The following SPSB3 variants were observed in gnomAD, a reference collection of about 807,000 sequenced individuals.
The protein encoded by SPSB3 is SPRY domain-containing SOCS box protein 3.
A neutral mutation model predicts 29.5 loss-of-function variants in SPSB3; 18 were observed. The ratio of observed to expected loss-of-function variants is 0.61; its 90% CI spans 0.42 to 0.91. The LOEUF (loss-of-function observed/expected upper bound fraction) is 0.91, where lower values mean the gene tolerates loss of function less well. SPSB3 is among the 40% of genes least tolerant of loss of function. The pLI is 0.00. For synonymous variants in SPSB3, 299 were observed against 214.1 expected, an observed-to-expected ratio of 1.40 and a Z score of -3.46; for missense variants, 540 against 507.5, an observed-to-expected ratio of 1.06 and a Z score of -0.61.
chr16:1,778,560 G>C lies in SPSB3; in HGVS notation c.179C>G (p.Pro60Arg), dbSNP rs982178048. 6.2e-7 allele frequency: 1 copy of C among 1,600,892 alleles called. No homozygotes were observed. The highest frequency in any genetic ancestry group is 8.5e-7 in the Non-Finnish European group (1 of 1,171,640). ...CTCGCCGGTCACGGGCACCGCACTG[G>C]GGATGGATGGCGGCAGCGTGGAGTA... is the stretch of plus-strand genomic sequence containing the variant. ...PEYSTLPPSI[P>R]SAVPVTGESF... The change falls in exon 3 of 7, where the codon CCC becomes CGC. Residue 60 changes from proline (P) to arginine (R), a missense_variant. Coordinates refer to ENST00000566339, the MANE Select transcript of SPSB3 (RefSeq NM_080861.4).
intron 1 of SPSB3, 76 bp downstream of exon 1, chr16:1,782,426 C>T (rs1039051702): frequency 2.0e-5 from 3 of 151,958 alleles, no homozygotes; most frequent in Admixed American, 6.6e-5. Context: ...GCCCTGGCCG[C>T]GCTGCTACCG....
rs370567286 is a variant in SPSB3 at position 1,777,430 on chromosome 16, G to A, written c.735C>T (p.Thr245=). ...KNRKCIGVAA[T]KLQNKRFYPM... is the part of the protein sequence containing the mutation. ...GGTAGAATCTCTTGTTCTGCAGCTTGGTGGCTGCCACACCTGGAAGGGAGG... is the reference window on the plus strand; with the variant it reads ...GGTAGAATCTCTTGTTCTGCAGCTTAGTGGCTGCCACACCTGGAAGGGAGG... Residue 245 remains threonine (T), a synonymous_variant, in exon 7 of 7, where the codon ACC becomes ACT. Coordinates refer to ENST00000566339, the MANE Select transcript of SPSB3 (RefSeq NM_080861.4). The A allele has an allele frequency of 2.0e-6, 3 of 1,527,034 alleles. No individual in the cohort carries two copies. Among genetic ancestry groups the A allele is most frequent in the Non-Finnish European group, 2.6e-6 (3 of 1,139,118 alleles). 94.6% of individuals were successfully genotyped at this position (1,527,034 alleles called of 1,614,324 possible).
chr16:1,780,089 ACAG>A (rs916910374), intron 2 of SPSB3: 1 of 152,338 alleles, frequency 6.6e-6, no homozygotes, highest in African/African-American at 2.4e-5. Context: ...GGGAGCTGTG[ACAG>A]CAGAGAGCAG....
intron 1 of SPSB3, 82 bp from the exon 2 acceptor site, chr16:1,781,577 C>A: frequency 6.7e-7 from 1 of 1,492,950 alleles, no homozygotes; most frequent in Non-Finnish European, 9.0e-7. Flanking sequence ...CACGGACCCA[C>A]TCAAAGTGGG....
Position 1,779,275 on chromosome 16 carries a change from T to G in SPSB3, c.127-663A>C, listed in dbSNP as rs140094914. On this transcript the variant is annotated intron_variant, in intron 2 of 6. Transcript: ENST00000566339. ...AACGTGAGCTCCTTGTGGGAGGCAG[T>G]GCCCCTCCCAGCCTCCTCCCTGTCA... The G allele has an allele frequency of 5.1e-3, 775 of 152,532 alleles. 2 individuals are homozygous for G. Among genetic ancestry groups the G allele is most frequent in the Middle Eastern group, 0.017 (5 of 294 alleles). The allele number at this position is 152,532 out of a possible 1,614,324, so 9.4% of individuals were successfully genotyped here. A position where few individuals can be genotyped will look rare whatever the true frequency, so the allele number is the denominator to read the frequency against.
chr16:1,776,978 T>A lies in SPSB3; in HGVS notation c.*119A>T. 8.4e-7 allele frequency: 1 copy of A among 1,190,088 alleles called. No homozygotes were observed. Among genetic ancestry groups the A allele is most frequent in the Non-Finnish European group, 1.2e-6 (1 of 854,236 alleles). The allele number at this position is 1,190,088 out of a possible 1,614,324, so 73.7% of individuals were successfully genotyped here. A position where few individuals can be genotyped will look rare whatever the true frequency, so the allele number is the denominator to read the frequency against. On this transcript the variant is annotated 3_prime_UTR_variant, in exon 7 of 7. Coordinates refer to ENST00000566339, the MANE Select transcript of SPSB3 (RefSeq NM_080861.4). ...GCCTCGGGAGCAAGAGATGGCTCCCTCCGGACGGGCCTCATCCAACTCCGC... is the reference window on the plus strand; with the variant it reads ...GCCTCGGGAGCAAGAGATGGCTCCCACCGGACGGGCCTCATCCAACTCCGC...
chr16:1,781,398 AGAGCCACGGCCCGGGCATCTGCGTCTCG>A lies in SPSB3; in HGVS notation c.58_85del (p.Arg20Ter). On this transcript the variant is annotated frameshift_variant, in exon 2 of 7. Transcript: ENST00000566339. LOFTEE classifies it high-confidence loss of function. ...GTAGCCCCAGTTAGTGGAGCCTGCT[AGAGCCACGGCCCGGGCATCTGCGTCTCG>A]GCGGGCTGCACTCAGGACGAAGTGC... 7.4e-6 allele frequency: 12 copies of A among 1,612,858 alleles called. No individual in the cohort carries two copies. Among genetic ancestry groups the A allele is most frequent in the African/African-American group, 1.3e-5 (1 of 75,030 alleles).
rs1896709943 is a variant in SPSB3, at chr16:1,781,457, C to G, written c.27G>C (p.Arg9Ser). The G allele has an allele frequency of 1.9e-6, 3 of 1,612,722 alleles. No homozygotes were observed. Among genetic ancestry groups the G allele is most frequent in the Non-Finnish European group, 2.5e-6 (3 of 1,179,992 alleles). The change falls in exon 2 of 7, where the codon AGG (arginine) becomes AGC (serine). Residue 9 changes from arginine (R) to serine (S), a missense_variant. Transcript: ENST00000566339. ...CTGCACTCAGGACGAAGTGCCAGGC[C>G]CTGCTGTTCCGGGGGCGTCTGGCCA... MARRPRNS[R>S]AWHFVLSAAR...
Position 1,777,104 on chromosome 16 carries a change from C to A in SPSB3, c.1061G>T (p.Arg354Leu), listed in dbSNP as rs148030477. The A allele has an allele frequency of 6.2e-7, 1 of 1,610,646 alleles. No individual in the cohort carries two copies. Among genetic ancestry groups the A allele is most frequent in the African/African-American group, 1.3e-5 (1 of 74,930 alleles). Residue 354 changes from arginine (R) to leucine (L), a missense_variant, in exon 7 of 7, where the codon CGG becomes CTG. Physicochemically the swap from Arg to Leu is moderately radical, Grantham distance 102. Transcript: ENST00000566339. ...PRPCQRKRCR[R>L]T ...GTTCCACTGGGAAGTCAGTCAGGTC[C>A]GGCGGCAGCGCTTCCTCTGGCAGGG...
intron 3 of SPSB3, 30 bp downstream of exon 3, chr16:1,778,405 G>T: frequency 6.2e-7 from 1 of 1,605,980 alleles, no homozygotes; most frequent in Non-Finnish European, 8.5e-7. Flanking sequence ...CCGCAGTGCA[G>T]TCCCAGCAGG....
rs562245971 is a variant in SPSB3, at chr16:1,781,709, C to T, written c.-12-214G>A. 1.6e-5 allele frequency: 9 copies of T among 575,322 alleles called. No homozygotes were observed. In the South Asian group the frequency reaches 1.7e-4, roughly 11 times the overall value. 35.6% of individuals were successfully genotyped at this position (575,322 alleles called of 1,614,324 possible). ...TAGATCCTGTGAAACGCCACCCAGA[C>T]ACCCATGACTCCGGAATGCGAATCC... On this transcript the variant is annotated intron_variant, in intron 1 of 6. Coordinates refer to ENST00000566339, the MANE Select transcript of SPSB3 (RefSeq NM_080861.4).
At chr16:1,777,909 C>A in intron 5 of SPSB3, 37 bp from the exon 6 acceptor site, 1 of 1,611,790 alleles carries the variant, frequency 6.2e-7, no homozygotes, top group Non-Finnish European at 8.5e-7. Flanking sequence ...CCCGGGAGCT[C>A]CAGGCTCGGC....
At chr16:1,781,652 T>C (rs1178436) in intron 1 of SPSB3, 157 bp from the exon 2 acceptor site, 562,071 of 693,660 alleles carry the variant, frequency 0.81, 229,467 homozygotes, top group African/African-American at 0.96. Context: ...CGTACCTCAC[T>C]CCAGGATCTG....
rs1330063811 is a variant in SPSB3, at chr16:1,777,046, A to G, written c.*51T>C. 1 of 1,568,746 alleles carries G rather than the reference A, an allele frequency of 6.4e-7. No individual in the cohort carries two copies. The highest frequency in any genetic ancestry group is 2.2e-5 in the East Asian group (1 of 44,506). ...AGGAAGGGACAGAGAAAGAAGGGAC[A>G]GAGGAAAGGGGCTGTCCCAGCCCAA... On this transcript the variant is annotated 3_prime_UTR_variant, in exon 7 of 7. Coordinates refer to ENST00000566339, the MANE Select transcript of SPSB3 (RefSeq NM_080861.4).
intron 3 of SPSB3, 46 bp from the exon 4 acceptor site, chr16:1,778,367 G>T: frequency 6.2e-7 from 1 of 1,609,628 alleles, no homozygotes; most frequent in Non-Finnish European, 8.5e-7. Context: ...GCTCCATGGG[G>T]CTCTGCCCTG....
chr16:1,781,850 C>T (rs1244157164), intron 1 of SPSB3: 2 of 269,502 alleles, frequency 7.4e-6, no homozygotes, highest in African/African-American at 4.5e-5. Flanking sequence ...AATGGCATCT[C>T]CGGCCTCCCA....
chr16:1,780,970 T>G, intron 2 of SPSB3: 1 of 364,590 alleles, frequency 2.7e-6, no homozygotes, highest in Non-Finnish European at 5.2e-6. Context: ...TGGGCTCAAG[T>G]GGTCCTCCAG....
intron 2 of SPSB3, 166 bp from the exon 3 acceptor site, chr16:1,778,778 C>A: frequency 1.4e-6 from 1 of 691,640 alleles, no homozygotes; most frequent in Non-Finnish European, 2.2e-6. Flanking sequence ...GGCTCCCTCC[C>A]AACGGGCTCC....
chr16:1,777,767 A>T lies in SPSB3; in HGVS notation c.701T>A (p.Phe234Tyr). Residue 234 changes from phenylalanine (F) to tyrosine (Y), a missense_variant, in exon 6 of 7, where the codon TTC (phenylalanine) becomes TAC (tyrosine). Coordinates refer to ENST00000566339, the MANE Select transcript of SPSB3 (RefSeq NM_080861.4). Reference protein sequence around the residue: ...LDTWHGTLTFFKNRKCIGVAA... With the variant: ...LDTWHGTLTFYKNRKCIGVAA... ...CTCACCTATACACTTCCTGTTCTTG[A>T]AAAAGGTGAGTGTGCCGTGCCAGGT... is the stretch of plus-strand genomic sequence containing the variant. 1 of 1,612,590 alleles carries T rather than the reference A, an allele frequency of 6.2e-7. No homozygotes were observed. Among genetic ancestry groups the T allele is most frequent in the Non-Finnish European group, 8.5e-7 (1 of 1,179,894 alleles).
Sources: allele counts gnomAD v4.1 joint callset, GRCh38; gene constraint gnomAD v4.1.1; transcripts MANE v1.5; gene names NCBI Gene and HGNC (gene_info 2026-07-23, HGNC 2026-07-21).